MAPK6: variants seen among roughly 807,000 people sequenced by gnomAD.
The protein encoded by MAPK6 is ERK-3.
In MAPK6, 19 loss-of-function variants were observed where a neutral mutation model predicts 59.3. The observed-to-expected ratio is 0.32, with a 90% CI of 0.22 to 0.47. MAPK6 has a LOEUF of 0.47. Ranked by LOEUF, MAPK6 falls within the 20% of genes least tolerant of loss-of-function variation. The pLI, the probability that MAPK6 is intolerant of heterozygous loss-of-function variation, is 1.00. For synonymous variants in MAPK6, 316 were observed against 290.3 expected (o/e 1.09, Z -0.90); for missense variants, 724 against 847.9 (o/e 0.85, Z 1.81).
At chr15:51,977,043 G>C (rs59808035) in intron 1 of MAPK6, among the ~76,000 whole-genome samples, 26,794 of 151,174 alleles carry the variant, frequency 0.18, 3,521 homozygotes, top group East Asian at 0.57. Flanking sequence ...TCTCTCTGTT[G>C]CCCAGGCTGG....
At chr15:51,982,783 T>C (rs1484757729) in intron 1 of MAPK6, among the ~76,000 whole-genome samples, 1 of 152,228 alleles carries the variant, frequency 6.6e-6, no homozygotes, top group Non-Finnish European at 1.5e-5. Flanking sequence ...AAAGTAATCA[T>C]TTATATAAAG....
chr15:52,059,361 C>T (rs2032107951), intron 4 of MAPK6, among the ~76,000 whole-genome samples: 1 of 152,188 alleles, frequency 6.6e-6, no homozygotes, highest in Non-Finnish European at 1.5e-5. Flanking sequence ...CTCCTGAGCT[C>T]AAGCAGCCTT....
intron 2 of MAPK6, among the ~76,000 whole-genome samples, 183 bp downstream of exon 2, chr15:52,047,198 A>C (rs2031619279): frequency 6.6e-6 from 1 of 152,176 alleles, no homozygotes; most frequent in South Asian, 2.1e-4. Context: ...ATTAAATACA[A>C]ATTTCTAAAA....
chr15:52,002,263 T>C (rs1442599251), intron 2 of MAPK6, among the ~76,000 whole-genome samples: 1 of 152,234 alleles, frequency 6.6e-6, no homozygotes, highest in Non-Finnish European at 1.5e-5. Flanking sequence ...TCCATTGGTA[T>C]ACAATCCCAG....
At position 52,046,118 on chromosome 15, in the gene MAPK6, T is replaced by G. The variant is rs1595996833; in HGVS notation, c.-343T>G. 4.5e-6 allele frequency: 1 copy of G among 221,574 alleles called. No homozygotes were observed. The highest frequency in any genetic ancestry group is 1.2e-4 in the East Asian group (1 of 8,654). The allele number at this position is 221,574 out of a possible 1,614,324, so 13.7% of individuals were successfully genotyped here. A position where few individuals can be genotyped will look rare whatever the true frequency, so the allele number is the denominator to read the frequency against. Reference sequence around the variant, plus strand: ...ATTTATTCACATTTTTGTTAAATGTTAAATCGTTTAGCACGGTAATCTGAG... The same window carrying G: ...ATTTATTCACATTTTTGTTAAATGTGAAATCGTTTAGCACGGTAATCTGAG... On this transcript the variant is annotated 5_prime_UTR_variant, in exon 2 of 6. It introduces an in-frame stop codon into an upstream open reading frame of the 5' UTR. Coordinates refer to ENST00000261845, the MANE Select transcript of MAPK6 (RefSeq NM_002748.4).
chr15:52,062,066 G>GA (rs2032226145), intron 5 of MAPK6, among the ~76,000 whole-genome samples: 1 of 147,844 alleles, frequency 6.8e-6, no homozygotes, highest in African/African-American at 2.6e-5. Flanking sequence ...TTAGATGCAG[G>GA]ATTTTTTTTT....
intron 2 of MAPK6, among the ~76,000 whole-genome samples, chr15:51,984,310 T>C (rs1016751934): frequency 6.6e-6 from 1 of 152,042 alleles, no homozygotes; most frequent in Non-Finnish European, 1.5e-5. Context: ...GAGATGGAGT[T>C]TCGCTCTGTC....
At chr15:52,015,001 A>G (rs1013646572), upstream of MAPK6, among the ~76,000 whole-genome samples, 1 of 152,064 alleles carries the variant, frequency 6.6e-6, no homozygotes, top group Non-Finnish European at 1.5e-5. Context: ...GAGAATTGAA[A>G]CTTTTTTTGT....
chr15:52,053,862 C>T (rs940068906), intron 3 of MAPK6, among the ~76,000 whole-genome samples: 5 of 151,822 alleles, frequency 3.3e-5, no homozygotes, highest in African/African-American at 1.2e-4. Context: ...TGATCTCGAA[C>T]TCCTGACCTC....
chr15:51,977,242 A>G (rs1427662732), intron 1 of MAPK6, among the ~76,000 whole-genome samples: 1 of 151,658 alleles, frequency 6.6e-6, no homozygotes, highest in Non-Finnish European at 1.5e-5. Context: ...AGCTCAGGCA[A>G]TCCATCCACC....
chr15:52,061,606 A>C, intron 5 of MAPK6, 106 bp downstream of exon 5: 1 of 866,096 alleles, frequency 1.2e-6, no homozygotes, highest in Non-Finnish European at 1.7e-6. Context: ...AAGTCTTAAA[A>C]ATTTAGTAAT....
At chr15:52,008,027 A>G (rs1284091711) in intron 3 of MAPK6, among the ~76,000 whole-genome samples, 3 of 151,902 alleles carry the variant, frequency 2.0e-5, no homozygotes, top group African/African-American at 7.3e-5. Context: ...TTGTATTTTC[A>G]GTAGAGACGG....
chr15:52,043,726 G>T (rs2031501771), intron 1 of MAPK6, among the ~76,000 whole-genome samples: 1 of 135,534 alleles, frequency 7.4e-6, no homozygotes, highest in Admixed American at 7.6e-5. Flanking sequence ...ATGATATGTT[G>T]GACTTAAGTT....
At chr15:51,997,804 C>A (rs1465966246) in intron 2 of MAPK6, among the ~76,000 whole-genome samples, 2 of 151,722 alleles carry the variant, frequency 1.3e-5, no homozygotes, top group Admixed American at 6.6e-5. Flanking sequence ...GTTGCCTAGG[C>A]TGGTCTCAAA....
chr15:52,065,395 T>G lies in MAPK6; in HGVS notation c.*395T>G, dbSNP rs2032377515. The stretch of plus-strand genomic sequence containing the variant: ...CTAAGACATTTTTCATTCATGAATA[T>G]TTTCAAGTTTTTCATACTGTACACA... On this transcript the variant is annotated 3_prime_UTR_variant, in exon 6 of 6. Coordinates refer to ENST00000261845, the MANE Select transcript of MAPK6 (RefSeq NM_002748.4). 6.3e-6 allele frequency: 1 copy of G among 157,634 alleles called. No individual in the cohort carries two copies. The highest frequency in any genetic ancestry group is 1.4e-5 in the Non-Finnish European group (1 of 71,446). The allele number at this position is 157,634 out of a possible 1,614,324, so 9.8% of individuals were successfully genotyped here.
rs1249808925 is a variant in MAPK6 at position 52,046,350 on chromosome 15, A to G, written c.-111A>G. The G allele has an allele frequency of 5.0e-6, 4 of 799,480 alleles. No homozygotes were observed. Among genetic ancestry groups the G allele is most frequent in the Middle Eastern group, 3.3e-4 (1 of 3,016 alleles). The allele number at this position is 799,480 out of a possible 1,614,324, so 49.5% of individuals were successfully genotyped here. On this transcript the variant is annotated 5_prime_UTR_variant, in exon 2 of 6. Coordinates refer to ENST00000261845, the MANE Select transcript of MAPK6 (RefSeq NM_002748.4). ...CAAGAAACCATCTTGCTGTGGAAGC[A>G]TAATTATTTTTCTTCTCCCTTTTTG...
At chr15:51,997,123 G>A (rs980493597) in intron 2 of MAPK6, among the ~76,000 whole-genome samples, 2 of 149,260 alleles carry the variant, frequency 1.3e-5, no homozygotes, top group Non-Finnish European at 3.0e-5. Context: ...GGGATTACAG[G>A]CGCCCGCCAC....
At chr15:52,017,103 A>T (rs2030294054), upstream of MAPK6, 1 of 154,086 alleles carries the variant, frequency 6.5e-6, no homozygotes, top group Non-Finnish European at 1.4e-5. Context: ...CAAATCTTGT[A>T]ATTATTCCAT....
At chr15:51,987,608 G>C (rs760005130) in intron 2 of MAPK6, among the ~76,000 whole-genome samples, 1 of 151,854 alleles carries the variant, frequency 6.6e-6, no homozygotes, top group Non-Finnish European at 1.5e-5. Context: ...GATAGAGTGA[G>C]ACTCTGCCTC....
Sources: allele counts gnomAD v4.1 joint callset (sites outside exome capture counted in the v4.1 genomes callset), GRCh38; gene constraint gnomAD v4.1.1; transcripts MANE v1.5; gene names NCBI Gene and HGNC (gene_info 2026-07-23, HGNC 2026-07-21).